Variants in CPSF4L observed in about 807,000 individuals in gnomAD.
CPSF4L encodes the protein cleavage and polyadenylation specific factor 4 like, also known as putative cleavage and polyadenylation specificity factor subunit 4-like protein.
In CPSF4L, 18 loss-of-function variants were observed where a neutral mutation model predicts 24.0. That is an observed-to-expected ratio of 0.75 (90% confidence interval 0.52 to 1.11). CPSF4L has a LOEUF of 1.11. CPSF4L is among the 50% of genes least tolerant of loss of function. The pLI, the probability that CPSF4L is intolerant of heterozygous loss-of-function variation, is 0.00. For missense variants in CPSF4L, 211 were observed against 221.8 expected, an observed-to-expected ratio of 0.95 and a Z score of 0.31; for synonymous variants, 72 against 77.2, an observed-to-expected ratio of 0.93 and a Z score of 0.35.
At chr17:73,255,235 C>T (rs1257804643) in intron 3 of CPSF4L, among the ~76,000 whole-genome samples, 12 of 152,118 alleles carry the variant, frequency 7.9e-5, no homozygotes, top group Non-Finnish European at 1.5e-4. Flanking sequence ...CACAGTGGCT[C>T]ATGCCTGTAA....
At chr17:73,245,300 AGGGGAGTG>A, downstream of CPSF4L, 2 of 1,451,224 alleles carry the variant, frequency 1.4e-6, no homozygotes, top group Non-Finnish European at 1.8e-6. Context: ...GGACAGGGAG[AGGGGAGTG>A]AAAAAAATAA....
intron 3 of CPSF4L, among the ~76,000 whole-genome samples, chr17:73,256,805 T>A (rs2062026052): frequency 6.6e-6 from 1 of 152,172 alleles, no homozygotes. Context: ...GGCAGGTGGA[T>A]CACCTGAGGT....
At chr17:73,255,346 A>G (rs2062020817) in intron 3 of CPSF4L, among the ~76,000 whole-genome samples, 1 of 151,878 alleles carries the variant, frequency 6.6e-6, no homozygotes, top group South Asian at 2.1e-4. Context: ...ATCTCTACTA[A>G]AAATACAAAA....
chr17:73,252,823 G>A, intron 4 of CPSF4L, 100 bp from the exon 5 acceptor site: 1 of 704,052 alleles, frequency 1.4e-6, no homozygotes, highest in Non-Finnish European at 2.4e-6. Flanking sequence ...GGTCATAGGG[G>A]CTTCACTTAA....
upstream of CPSF4L, among the ~76,000 whole-genome samples, chr17:73,263,692 G>A (rs189062228): frequency 6.6e-5 from 10 of 151,558 alleles, no homozygotes; most frequent in Admixed American, 3.3e-4. Flanking sequence ...GGAAGTGATC[G>A]TGAAGGCAGC....
intron 5 of CPSF4L, chr17:73,250,102 GAAAT>G (rs1212854877): frequency 3.1e-6 from 2 of 655,042 alleles, no homozygotes; most frequent in Non-Finnish European, 4.7e-6. Context: ...AGGATCAAAA[GAAAT>G]AAACCTGCCT....
At chr17:73,256,184 G>A (rs12941071) in intron 3 of CPSF4L, among the ~76,000 whole-genome samples, 68,703 of 151,990 alleles carry the variant, frequency 0.45, 16,297 homozygotes, top group East Asian at 0.61. Context: ...CAAACACCGA[G>A]GGCTATTGAG....
At chr17:73,251,037 G>A (rs1568330828) in intron 5 of CPSF4L, 1 of 1,550,036 alleles carries the variant, frequency 6.5e-7, no homozygotes, top group Non-Finnish European at 8.7e-7. Flanking sequence ...CTCTGTTGGG[G>A]ATGGGGGTTT....
rs1006058728 is a variant in CPSF4L at position 73,252,617 on chromosome 17, G to A, written c.497+13C>T. ...ACTCTGGTGGGAGTTGGTAACTGAG[G>A]GATCATACTTACTGAGCAAATTGGC... On this transcript the variant is annotated intron_variant, in intron 5 of 5. Coordinates refer to ENST00000344935, the MANE Select transcript of CPSF4L (RefSeq NM_001129885.1). 1 of 1,504,572 alleles carries A rather than the reference G, an allele frequency of 6.6e-7. No homozygotes were observed. The highest frequency in any genetic ancestry group is 9.1e-7 in the Non-Finnish European group (1 of 1,104,048). 93.2% of individuals were successfully genotyped at this position (1,504,572 alleles called of 1,614,324 possible). A position where few individuals can be genotyped will look rare whatever the true frequency, so the allele number is the denominator to read the frequency against.
chr17:73,242,492 CTG>C, the CPSF4L span: 2 of 562,166 alleles, frequency 3.6e-6, no homozygotes, highest in East Asian at 3.1e-5. Flanking sequence ...TTCCATTTGT[CTG>C]TGTTCATTTT....
intron 3 of CPSF4L, among the ~76,000 whole-genome samples, chr17:73,257,018 C>A (rs527666442): frequency 6.6e-6 from 1 of 152,170 alleles, no homozygotes; most frequent in African/African-American, 2.4e-5. Context: ...CAGAGCAAGA[C>A]GCTGTCTCAA....
chr17:73,242,834 C>T, the CPSF4L span: 13 of 1,344,124 alleles, frequency 9.7e-6, no homozygotes, highest in Non-Finnish European at 1.4e-5. Flanking sequence ...ACTTGAATGA[C>T]TCGCGGATAC....
the CPSF4L span, chr17:73,243,149 G>C: frequency 1.4e-6 from 1 of 709,350 alleles, no homozygotes; most frequent in African/African-American, 1.8e-5. Context: ...CTATTGCCTG[G>C]GGTTTCTGGG....
chr17:73,245,152 C>T, downstream of CPSF4L: 1 of 1,613,520 alleles, frequency 6.2e-7, no homozygotes, highest in Non-Finnish European at 8.5e-7. Flanking sequence ...TTACATTTGT[C>T]TCTGTTTATC....
At chr17:73,250,857 TA>T (rs1394806827) in intron 5 of CPSF4L, 2 of 747,890 alleles carry the variant, frequency 2.7e-6, no homozygotes, top group African/African-American at 3.5e-5. Context: ...CATTCTCCCC[TA>T]ATTCACACTC....
chr17:73,246,861 G>A (rs371637232), downstream of CPSF4L, among the ~76,000 whole-genome samples: 20 of 152,152 alleles, frequency 1.3e-4, no homozygotes, highest in Non-Finnish European at 5.9e-5. Context: ...CTTCCCTGCC[G>A]AAAGAGCTTT....
At chr17:73,245,072 T>C (rs2061927875), downstream of CPSF4L, 1 of 1,205,784 alleles carries the variant, frequency 8.3e-7, no homozygotes, top group Non-Finnish European at 1.2e-6. Context: ...TCTAAACTTA[T>C]AAAACAAAAA....
intron 1 of CPSF4L, among the ~76,000 whole-genome samples, chr17:73,261,472 T>A (rs557374723): frequency 6.6e-6 from 1 of 151,930 alleles, no homozygotes; most frequent in Non-Finnish European, 1.5e-5. Flanking sequence ...CCATCCTGGC[T>A]AACATGGTGA....
At chr17:73,261,664 G>GA (rs926800546) in intron 1 of CPSF4L, 52 bp downstream of exon 1, 5,337 of 1,208,782 alleles carry the variant, frequency 4.4e-3, no homozygotes, top group Non-Finnish European at 5.2e-3. Context: ...CCGTCTCAAA[G>GA]AAAAAAAAAC....
Sources: allele counts gnomAD v4.1 joint callset (sites outside exome capture counted in the v4.1 genomes callset), GRCh38; gene constraint gnomAD v4.1.1; transcripts MANE v1.5; gene names NCBI Gene and HGNC (gene_info 2026-07-23, HGNC 2026-07-21).